ARHGAP21: variants seen among roughly 807,000 people sequenced by gnomAD.
The protein encoded by ARHGAP21 is Rho GTPase activating protein 21.
Under a neutral mutation model 164.6 loss-of-function variants are expected in ARHGAP21, and 38 were observed. That is an observed-to-expected ratio of 0.23 (90% CI 0.18 to 0.30). The LOEUF is 0.30. Ranked by LOEUF, ARHGAP21 falls within the 10% of genes least tolerant of loss-of-function variation. The pLI, the probability that ARHGAP21 is intolerant of heterozygous loss-of-function variation, is 1.00. For missense variants in ARHGAP21, 1,822 were observed against 2,370.7 expected (o/e 0.77, Z 4.81); for synonymous variants, 766 against 857.9 (o/e 0.89, Z 1.87).
intron 7 of ARHGAP21, among the ~76,000 whole-genome samples, chr10:24,624,545 C>T (rs1430554753): frequency 6.6e-6 from 1 of 151,468 alleles, no homozygotes; most frequent in African/African-American, 2.4e-5. Flanking sequence ...TCACTATGTT[C>T]GCCAGGTTGG....
At chr10:24,590,055 G>A (rs2076268787) in intron 24 of ARHGAP21, 1 of 499,734 alleles carries the variant, frequency 2.0e-6, no homozygotes, top group African/African-American at 2.0e-5. Context: ...GTAGGAAGGG[G>A]CTAGCAATAT....
At chr10:24,617,558 C>T (rs576995818) in intron 9 of ARHGAP21, among the ~76,000 whole-genome samples, 1 of 151,802 alleles carries the variant, frequency 6.6e-6, no homozygotes, top group Non-Finnish European at 1.5e-5. Context: ...AATATGGGTA[C>T]AATTTAGGTT....
intron 3 of ARHGAP21, among the ~76,000 whole-genome samples, chr10:24,669,047 T>C (rs561007165): frequency 7.2e-5 from 11 of 152,324 alleles, no homozygotes; most frequent in African/African-American, 2.4e-4. Flanking sequence ...TCTAGTCCAG[T>C]TGTTTTATAC....
chr10:24,696,898 T>G (rs1843223413), intron 2 of ARHGAP21, among the ~76,000 whole-genome samples: 1 of 152,208 alleles, frequency 6.6e-6, no homozygotes, highest in African/African-American at 2.4e-5. Flanking sequence ...CAGTGCCAGT[T>G]CTCTGTCCCC....
At chr10:24,653,941 C>T (rs1347803408) in intron 4 of ARHGAP21, among the ~76,000 whole-genome samples, 14 of 151,848 alleles carry the variant, frequency 9.2e-5, no homozygotes. Flanking sequence ...AAAAGACGAC[C>T]TACATAATGG....
Position 24,606,937 on chromosome 10 carries a change from C to A in ARHGAP21, c.2684+562G>T, listed in dbSNP as rs147927792. Among the ~76,000 whole-genome samples the A allele has an allele frequency of 1.5e-3, 232 of 152,280 alleles. 5 individuals carry two copies. In the East Asian group the frequency reaches 0.038, roughly 25 times the overall value. Reference sequence around the variant, plus strand: ...TTTATTCACATGTGCTAACCGAACTCTGTACAATATAGTCAATGAAGTATT... The same window carrying A: ...TTTATTCACATGTGCTAACCGAACTATGTACAATATAGTCAATGAAGTATT... On this transcript the variant is annotated intron_variant, in intron 11 of 25. Transcript: ENST00000396432.
intron 2 of ARHGAP21, among the ~76,000 whole-genome samples, chr10:24,707,812 A>G (rs1314957344): frequency 6.6e-6 from 1 of 152,030 alleles, no homozygotes; most frequent in Non-Finnish European, 1.5e-5. Flanking sequence ...GACCCCCATC[A>G]ACTTTCTCCT....
chr10:24,672,717 G>A (rs1354730417), intron 2 of ARHGAP21, among the ~76,000 whole-genome samples: 1 of 152,038 alleles, frequency 6.6e-6, no homozygotes, highest in Non-Finnish European at 1.5e-5. Flanking sequence ...CCACCAGTGA[G>A]TCTACCCACT....
intron 4 of ARHGAP21, among the ~76,000 whole-genome samples, chr10:24,637,077 G>C (rs1175493220): frequency 1.3e-5 from 2 of 152,126 alleles, no homozygotes; most frequent in East Asian, 1.9e-4. Flanking sequence ...ATTGCCATTT[G>C]AGTGAAGAGG....
chr10:24,658,224 G>T (rs1433729231), intron 4 of ARHGAP21, among the ~76,000 whole-genome samples: 1 of 152,190 alleles, frequency 6.6e-6, no homozygotes, highest in Non-Finnish European at 1.5e-5. Flanking sequence ...TATACTGTTG[G>T]TGGGATTGTA....
At chr10:24,590,008 G>C (rs2130748187) in intron 24 of ARHGAP21, 1 of 242,056 alleles carries the variant, frequency 4.1e-6, no homozygotes, top group Non-Finnish European at 6.9e-6. Flanking sequence ...TAATTTTACT[G>C]TCTGGCAAAA....
At chr10:24,634,363 T>C (rs964327998) in intron 5 of ARHGAP21, among the ~76,000 whole-genome samples, 9 of 152,222 alleles carry the variant, frequency 5.9e-5, no homozygotes, top group East Asian at 5.8e-4. Flanking sequence ...CAGTGAAATA[T>C]AGCTTTTCAA....
In ARHGAP21 at chr10:24,683,743, C is replaced by T. The variant is rs78579092; in HGVS notation, c.64-13346G>A. Among the ~76,000 whole-genome samples the T allele has an allele frequency of 5.8e-3, 879 of 152,306 alleles. 5 individuals carry two copies. Among genetic ancestry groups the T allele is most frequent in the African/African-American group, 0.02 (830 of 41,564 alleles). Reference sequence around the variant, plus strand: ...CCATACTCTGTCCCTGTCAGCCTCTCAACCTAGAAGGGCACATGGTTAGGA... The same window carrying T: ...CCATACTCTGTCCCTGTCAGCCTCTTAACCTAGAAGGGCACATGGTTAGGA... On this transcript the variant is annotated intron_variant, in intron 2 of 25. Transcript: ENST00000396432.
At position 24,633,522 on chromosome 10, in the gene ARHGAP21, A is replaced by G. The variant is rs773488929; in HGVS notation, c.362-42T>C. 4 of 1,414,474 alleles carry G rather than the reference A, an allele frequency of 2.8e-6. No homozygotes were observed. In the East Asian group the frequency reaches 6.9e-5, roughly 24 times the overall value. The allele number at this position is 1,414,474 out of a possible 1,614,324, so 87.6% of individuals were successfully genotyped here. On this transcript the variant is annotated intron_variant, in intron 5 of 25. Coordinates refer to ENST00000396432, the MANE Select transcript of ARHGAP21 (RefSeq NM_020824.4). Reference sequence around the variant, plus strand: ...AAAAACAAATGAGAGATCCTGCAGAAAGTCACTTTTGAACACTTTTGAAAT... The same window carrying G: ...AAAAACAAATGAGAGATCCTGCAGAGAGTCACTTTTGAACACTTTTGAAAT...
rs1014957486 is a variant in ARHGAP21 at position 24,600,550 on chromosome 10, A to T, written c.3132+96T>A. The stretch of plus-strand genomic sequence containing the variant: ...TTTTACATGAAAATAGCACATTATA[A>T]TTTTTTTATAAAAATGATATATCAT... On this transcript the variant is annotated intron_variant, in intron 14 of 25. Coordinates refer to ENST00000396432, the MANE Select transcript of ARHGAP21 (RefSeq NM_020824.4). 2.1e-6 allele frequency: 3 copies of T among 1,412,972 alleles called. No individual in the cohort carries two copies. In the African/African-American group the frequency reaches 4.4e-5, roughly 21 times the overall value. 87.5% of individuals were successfully genotyped at this position (1,412,972 alleles called of 1,614,324 possible).
rs535786648 is a variant in ARHGAP21, at chr10:24,628,673, GTTAC to G, written c.495+1319_495+1322del. On this transcript the variant is annotated intron_variant, in intron 7 of 25. Coordinates refer to ENST00000396432, the MANE Select transcript of ARHGAP21 (RefSeq NM_020824.4). ...TCCTAGATCTGTTAGTTGTAAGTAT[GTTAC>G]TTAAAGAGTTTTTCTATTTTATTCT... 9.7e-3 allele frequency among the ~76,000 whole-genome samples: 1,469 copies of G among 151,362 alleles called. 22 individuals carry two copies. Among genetic ancestry groups the G allele is most frequent in the African/African-American group, 0.033 (1,377 of 41,316 alleles).
At chr10:24,696,775 A>T (rs1395437769) in intron 2 of ARHGAP21, among the ~76,000 whole-genome samples, 1 of 152,196 alleles carries the variant, frequency 6.6e-6, no homozygotes, top group Non-Finnish European at 1.5e-5. Flanking sequence ...GGCCTGCTAA[A>T]CACGTCTATG....
Position 24,652,452 on chromosome 10 carries a change from T to G in ARHGAP21, c.268+14533A>C, listed in dbSNP as rs1306371086. Among the ~76,000 whole-genome samples the G allele has an allele frequency of 2.0e-5, 3 of 152,142 alleles. No homozygotes were observed. The South Asian group carries it at 6.2e-4, about 32-fold the overall frequency. The stretch of plus-strand genomic sequence containing the variant: ...AAATTCTTACCTAGAACTCATAAAC[T>G]ATTAACCACAAAAGGAAAGACTGAT... On this transcript the variant is annotated intron_variant, in intron 4 of 25. Transcript: ENST00000396432.
intron 2 of ARHGAP21, among the ~76,000 whole-genome samples, chr10:24,711,255 A>G (rs1271422326): frequency 4.6e-5 from 7 of 152,076 alleles, no homozygotes; most frequent in Non-Finnish European, 1.0e-4. Flanking sequence ...ATACTATTCC[A>G]TCCTCTAAGA....
Sources: gnomAD v4.1 joint callset for allele counts (sites outside exome capture counted in the v4.1 genomes callset) on GRCh38, gnomAD v4.1.1 for gene constraint, MANE v1.5 for transcripts, NCBI Gene and HGNC (gene_info 2026-07-23, HGNC 2026-07-21) for gene names.